Variants in PCSK5 observed in about 807,000 individuals in gnomAD.
The protein encoded by PCSK5 is prohormone convertase 5.
PCSK5 carries 129 observed loss-of-function variants against 233.2 expected under a neutral mutation model. That is an observed-to-expected ratio of 0.55 (90% confidence interval 0.48 to 0.64). The LOEUF is 0.64. Ranked by LOEUF, PCSK5 falls within the 30% of genes least tolerant of loss-of-function variation. The pLI is 0.00. For missense variants in PCSK5, 2,076 were observed against 2,430.1 expected, an observed-to-expected ratio of 0.85 and a Z score of 3.06; for synonymous variants, 825 against 879.2, an observed-to-expected ratio of 0.94 and a Z score of 1.09.
intron 3 of PCSK5, among the ~76,000 whole-genome samples, chr9:75,990,809 C>G (rs1023011808): frequency 2.0e-5 from 3 of 152,176 alleles, no homozygotes; most frequent in African/African-American, 7.2e-5. Flanking sequence ...TTAGAAGCTC[C>G]TGCAGAACTG....
intron 10 of PCSK5, 44 bp from the exon 11 acceptor site, chr9:76,157,001 C>A: frequency 1.5e-6 from 2 of 1,331,630 alleles, no homozygotes; most frequent in African/African-American, 1.4e-5. Flanking sequence ...TATAATTTGA[C>A]CTATGTAGCT....
intron 2 of PCSK5, among the ~76,000 whole-genome samples, chr9:75,984,348 C>A (rs375519414): frequency 6.6e-6 from 1 of 152,080 alleles, no homozygotes; most frequent in Non-Finnish European, 1.5e-5. Flanking sequence ...TTAATGAGTC[C>A]GCAGTGGGGA....
chr9:75,965,677 T>C lies in PCSK5; in HGVS notation c.298-20455T>C, dbSNP rs573546647. Among the ~76,000 whole-genome samples, 4 of 152,330 alleles carry C rather than the reference T, an allele frequency of 2.6e-5. No individual in the cohort carries two copies. In the East Asian group the frequency reaches 7.7e-4, roughly 29 times the overall value. ...CTCACAGTTATACCCAAAGAGAGTA[T>C]TTAATCCGGGCACCCTGTGGCCTAG... On this transcript the variant is annotated intron_variant, in intron 2 of 37. Coordinates refer to ENST00000674117, the MANE Select transcript of PCSK5 (RefSeq NM_001372043.1).
At chr9:75,968,202 T>C (rs931391908) in intron 2 of PCSK5, among the ~76,000 whole-genome samples, 26 of 152,320 alleles carry the variant, frequency 1.7e-4, no homozygotes, top group African/African-American at 6.0e-4. Context: ...GCTGAGTAAA[T>C]GTGTGTTGAA....
chr9:76,128,736 T>C (rs1308713010), intron 9 of PCSK5, among the ~76,000 whole-genome samples: 1 of 152,176 alleles, frequency 6.6e-6, no homozygotes, highest in Non-Finnish European at 1.5e-5. Flanking sequence ...CTTTGTGTGG[T>C]CCTGCTTTTC....
At chr9:76,282,110 C>T (rs562807985) in intron 24 of PCSK5, among the ~76,000 whole-genome samples, 8 of 46,218 alleles carry the variant, frequency 1.7e-4, no homozygotes, top group Admixed American at 8.4e-4. Context: ...GTGCACCATT[C>T]TTTTCTTTGC....
intron 16 of PCSK5, among the ~76,000 whole-genome samples, chr9:76,184,141 T>G (rs1197978587): frequency 6.6e-6 from 1 of 152,170 alleles, no homozygotes; most frequent in Non-Finnish European, 1.5e-5. Context: ...AAAATAGTGT[T>G]TAAAATAAAC....
intron 24 of PCSK5, among the ~76,000 whole-genome samples, chr9:76,280,559 TGG>T (rs1456313197): frequency 6.6e-6 from 1 of 151,992 alleles, no homozygotes; most frequent in Non-Finnish European, 1.5e-5. Flanking sequence ...CTGGGCAACA[TGG>T]GGAAAACCCG....
At chr9:76,111,111 C>CA (rs1002695348) in intron 9 of PCSK5, among the ~76,000 whole-genome samples, 38 of 142,632 alleles carry the variant, frequency 2.7e-4, no homozygotes, top group East Asian at 1.2e-3. Flanking sequence ...TGTCTCAAAA[C>CA]AAAAAAAAAA....
chr9:76,193,153 G>T (rs1824496179), intron 20 of PCSK5: 2 of 1,227,014 alleles, frequency 1.6e-6, no homozygotes, highest in South Asian at 1.5e-5. Context: ...TGCCTCTCTG[G>T]CCAATCACAA....
chr9:76,130,351 G>A (rs1822707121), intron 9 of PCSK5, among the ~76,000 whole-genome samples: 1 of 152,134 alleles, frequency 6.6e-6, no homozygotes, highest in Non-Finnish European at 1.5e-5. Context: ...ATAGATGTGT[G>A]TCTCTGCTTC....
At chr9:76,123,725 A>C (rs949415839) in intron 9 of PCSK5, among the ~76,000 whole-genome samples, 1 of 152,162 alleles carries the variant, frequency 6.6e-6, no homozygotes, top group African/African-American at 2.4e-5. Flanking sequence ...TAAAACTTTA[A>C]ATTGTTTATT....
chr9:76,247,653 G>A (rs1439019309), intron 24 of PCSK5, among the ~76,000 whole-genome samples: 2 of 152,058 alleles, frequency 1.3e-5, no homozygotes, highest in African/African-American at 4.8e-5. Context: ...GAGATAAAAT[G>A]TATGAGTGTA....
intron 3 of PCSK5, among the ~76,000 whole-genome samples, chr9:76,017,750 A>ATGTG (rs144948031): frequency 6.6e-6 from 1 of 151,536 alleles, no homozygotes; most frequent in African/African-American, 2.4e-5. Context: ...GTGTGTGTGT[A>ATGTG]TGTGTGTGTG....
At chr9:76,239,299 C>T in intron 23 of PCSK5, 134 bp downstream of exon 23, 1 of 674,190 alleles carries the variant, frequency 1.5e-6, no homozygotes, top group Non-Finnish European at 2.6e-6. Flanking sequence ...GACTCCCAAC[C>T]CTAGTGGGGA....
Position 76,070,691 on chromosome 9 carries a change from G to A in PCSK5, c.722-1035G>A, listed in dbSNP as rs553960477. ...TTGTTTGAAAGTTTTATAATTAAAA[G>A]TTAAACATAGTTCCTTCAATAATAT... On this transcript the variant is annotated intron_variant, in intron 6 of 37. Transcript: ENST00000674117. 1.9e-3 allele frequency among the ~76,000 whole-genome samples: 291 copies of A among 152,184 alleles called. 1 individual carries two copies. Among genetic ancestry groups the A allele is most frequent in the Middle Eastern group, 3.4e-3 (1 of 294 alleles).
At chr9:75,962,400 C>CA (rs1304565561) in intron 2 of PCSK5, among the ~76,000 whole-genome samples, 2 of 152,202 alleles carry the variant, frequency 1.3e-5, no homozygotes, top group Non-Finnish European at 2.9e-5. Context: ...AGGGGCCAGG[C>CA]AATCAGCGAG....
At chr9:75,931,915 T>A (rs1480204748) in intron 1 of PCSK5, among the ~76,000 whole-genome samples, 1 of 152,264 alleles carries the variant, frequency 6.6e-6, no homozygotes, top group Non-Finnish European at 1.5e-5. Flanking sequence ...TTGTGAATGA[T>A]CAATTGCTTA....
rs1825229911 is a variant in PCSK5 at position 75,959,298 on chromosome 9, G to T, written c.297+26815G>T. Among the ~76,000 whole-genome samples the T allele has an allele frequency of 2.0e-5, 3 of 152,272 alleles. No homozygotes were observed. The South Asian group carries it at 6.2e-4, about 32-fold the overall frequency. Reference sequence around the variant, plus strand: ...CAGATGCAAGACAGAGAGTGGCATTGTTTAGGCCACATTTCATTGTTGCTC... The same window carrying T: ...CAGATGCAAGACAGAGAGTGGCATTTTTTAGGCCACATTTCATTGTTGCTC... On this transcript the variant is annotated intron_variant, in intron 2 of 37. Coordinates refer to ENST00000674117, the MANE Select transcript of PCSK5 (RefSeq NM_001372043.1).
Sources: gnomAD v4.1 joint callset for allele counts (sites outside exome capture counted in the v4.1 genomes callset) on GRCh38, gnomAD v4.1.1 for gene constraint, MANE v1.5 for transcripts, NCBI Gene and HGNC (gene_info 2026-07-23, HGNC 2026-07-21) for gene names.